The following TRIM41 variants were observed in gnomAD, a reference collection of about 807,000 sequenced individuals.
TRIM41 encodes tripartite motif containing 41, also known as E3 ubiquitin-protein ligase TRIM41.
In TRIM41, 21 loss-of-function variants were observed where a neutral mutation model predicts 60.6. That is an observed-to-expected ratio of 0.35 (90% CI 0.25 to 0.50). The LOEUF (loss-of-function observed/expected upper bound fraction) is 0.50. Ranked by LOEUF, TRIM41 falls within the 20% of genes least tolerant of loss-of-function variation. The pLI, the probability that TRIM41 is intolerant of heterozygous loss-of-function variation, is 0.98. For synonymous variants in TRIM41, 407 were observed against 344.9 expected (o/e 1.18, Z -2.00); for missense variants, 846 against 868.3 (o/e 0.97, Z 0.32).
rs1354698330 is a variant in TRIM41, at chr5:181,235,713, C to G, written c.*938C>G. ...TAGGAGCCTCTTGCCTTGTCACTTG[C>G]AGCTTTCGCCCTCTGCTTTGATGGC... On this transcript the variant is annotated 3_prime_UTR_variant, in exon 6 of 6. Coordinates refer to ENST00000315073, the MANE Select transcript of TRIM41 (RefSeq NM_033549.5). 3 of 320,442 alleles carry G rather than the reference C, an allele frequency of 9.4e-6. No homozygotes were observed. The highest frequency in any genetic ancestry group is 1.8e-5 in the Non-Finnish European group (3 of 168,346). The allele number at this position is 320,442 out of a possible 1,614,324, so 19.8% of individuals were successfully genotyped here.
rs746667009 is a variant in TRIM41 at position 181,224,588 on chromosome 5, C to T, written c.589C>T (p.Pro197Ser). Residue 197 changes from proline to serine, a missense_variant, in exon 1 of 6, where the codon CCC (proline) becomes TCC (serine). Physicochemically the swap from Pro to Ser is moderately conservative, Grantham distance 74 (BLOSUM62 -1). Coordinates refer to ENST00000315073, the MANE Select transcript of TRIM41 (RefSeq NM_033549.5). Reference sequence around the variant, plus strand: ...GAGCTTTCCTCGGCGGAGCTTCCGCCCCAACCTGCAGCTGGCCAATATGGT... The same window carrying T: ...GAGCTTTCCTCGGCGGAGCTTCCGCTCCAACCTGCAGCTGGCCAATATGGT... The part of the protein sequence containing the change: ...RKSFPRRSFR[P>S]NLQLANMVQV... 2.5e-6 allele frequency: 4 copies of T among 1,614,204 alleles called. No individual in the cohort carries two copies. The highest frequency in any genetic ancestry group is 1.7e-5 in the Admixed American group (1 of 60,028).
rs768935580 is a variant in TRIM41, at chr5:181,234,146, G to T, written c.1292-28G>T. 3 of 1,604,426 alleles carry T rather than the reference G, an allele frequency of 1.9e-6. No homozygotes were observed. The South Asian group carries it at 3.3e-5, about 18-fold the overall frequency. ...ACAGGGGAACAGCCGTTCCAGCCCT[G>T]GCGTATTTGTCCTCCCTCCCTCCCA... On this transcript the variant is annotated intron_variant, in intron 5 of 5. Coordinates refer to ENST00000315073, the MANE Select transcript of TRIM41 (RefSeq NM_033549.5). This position sits in a 1 kb window ranked among gnomAD's most constrained non-coding sequence, Gnocchi z 5.6.
intron 2 of TRIM41, chr5:181,231,371 G>T (rs80283359): frequency 0.036 from 5,205 of 142,946 alleles, 123 homozygotes; most frequent in South Asian, 0.073. Flanking sequence ...CGCTTTTTTT[G>T]TTGTTTTTTT....
At chr5:181,231,656 C>G (rs1398006054) in intron 2 of TRIM41, 2 of 152,528 alleles carry the variant, frequency 1.3e-5, no homozygotes, top group African/African-American at 2.4e-5. Flanking sequence ...TAGGATCTGT[C>G]TGGGAGTAGG....
In TRIM41 at chr5:181,233,025, T is replaced by G. The variant is rs763426982; in HGVS notation, c.1140+136T>G. ...TGATTGAACCTGAAGACCAAAAACA[T>G]GTTTTAAAGCTGGAAACAGAGTTAA... On this transcript the variant is annotated intron_variant, in intron 3 of 5. Coordinates refer to ENST00000315073, the MANE Select transcript of TRIM41 (RefSeq NM_033549.5). The surrounding 1 kb of genome is among the most constrained non-coding windows in gnomAD (Gnocchi z 4.1). The G allele has an allele frequency of 1.1e-6, 1 of 897,110 alleles. No homozygotes were observed. Among genetic ancestry groups the G allele is most frequent in the South Asian group, 1.4e-5 (1 of 70,640 alleles). The allele number at this position is 897,110 out of a possible 1,614,324, so 55.6% of individuals were successfully genotyped here.
At chr5:181,232,424 G>C in intron 2 of TRIM41, 2 of 525,370 alleles carry the variant, frequency 3.8e-6, no homozygotes, top group Non-Finnish European at 6.7e-6. Flanking sequence ...CTTAGGTAGA[G>C]TCAGGTGGAG....
rs1239660083 is a variant in TRIM41, at chr5:181,234,907, C to G, written c.*132C>G. 1 of 1,613,132 alleles carries G rather than the reference C, an allele frequency of 6.2e-7. No individual in the cohort carries two copies. The highest frequency in any genetic ancestry group is 1.1e-5 in the South Asian group (1 of 91,068). On this transcript the variant is annotated 3_prime_UTR_variant, in exon 6 of 6. Coordinates refer to ENST00000315073, the MANE Select transcript of TRIM41 (RefSeq NM_033549.5). This position sits in a 1 kb window ranked among gnomAD's most constrained non-coding sequence, Gnocchi z 5.6. ...GTGTTGCTTCCCACTCCCCCTTGACCCCAGGCCCCTGCTTCTCCCTCTAGG... is the reference window on the plus strand; with the variant it reads ...GTGTTGCTTCCCACTCCCCCTTGACGCCAGGCCCCTGCTTCTCCCTCTAGG...
chr5:181,228,506 C>G (rs1406871928), intron 1 of TRIM41: 1 of 124,352 alleles, frequency 8.0e-6, no homozygotes, highest in Non-Finnish European at 1.6e-5. Flanking sequence ...TGCAGTGAGC[C>G]AAGATTGTGC....
In TRIM41 at chr5:181,232,784, T is replaced by C; in HGVS notation, c.1035T>C (p.Arg345=). The C allele has an allele frequency of 6.2e-7, 1 of 1,611,252 alleles. No individual in the cohort carries two copies. The highest frequency in any genetic ancestry group is 8.5e-7 in the Non-Finnish European group (1 of 1,179,352). Residue 345 remains arginine (R), a synonymous_variant, in exon 3 of 6, where the codon CGT becomes CGC. Coordinates refer to ENST00000315073, the MANE Select transcript of TRIM41 (RefSeq NM_033549.5). ...AGATGCATGAAGCCCAGCTGGGGCG[T>C]GCGGGAGCCGCGGCTAGTCGCCTTG... ...LREMHEAQLG[R]AGAAASRLAE...
At position 181,230,764 on chromosome 5, in the gene TRIM41, G is replaced by A. The variant is rs756693605; in HGVS notation, c.834G>A (p.Val278=). 5.6e-6 allele frequency: 9 copies of A among 1,613,074 alleles called. No homozygotes were observed. In the African/African-American group the frequency reaches 1.2e-4, roughly 22 times the overall value. ...CTCAGGCCAAACTGCAGGGGCACGT[G>A]GAACCACTGAGGAAGCACCTGGAGG... ...QEYKAKLQGH[V]EPLRKHLEAV... is the part of the protein sequence containing the mutation. Residue 278 remains valine, a synonymous_variant, in exon 2 of 6, where the codon GTG becomes GTA. Coordinates refer to ENST00000315073, the MANE Select transcript of TRIM41 (RefSeq NM_033549.5).
Position 181,233,827 on chromosome 5 carries a change from G to C in TRIM41, c.1291+64G>C, listed in dbSNP as rs1218484818. ...CTTCACAGACCTGAGACTGGGTCCT[G>C]AGGGAAGTTGGGCCCCAGGGAAACT... On this transcript the variant is annotated intron_variant, in intron 5 of 5. Coordinates refer to ENST00000315073, the MANE Select transcript of TRIM41 (RefSeq NM_033549.5). This position sits in a 1 kb window ranked among gnomAD's most constrained non-coding sequence, Gnocchi z 4.1. 1.2e-6 allele frequency: 2 copies of C among 1,611,326 alleles called. No homozygotes were observed. Among genetic ancestry groups the C allele is most frequent in the East Asian group, 4.5e-5 (2 of 44,876 alleles).
intron 1 of TRIM41, 77 bp from the exon 2 acceptor site, chr5:181,230,667 T>C: frequency 8.5e-7 from 1 of 1,181,982 alleles, no homozygotes; most frequent in Non-Finnish European, 1.2e-6. Flanking sequence ...CATCTTGCTA[T>C]AGGGAGGATT....
At chr5:181,228,613 A>T (rs897181689) in intron 1 of TRIM41, 7 of 149,506 alleles carry the variant, frequency 4.7e-5, no homozygotes, top group Non-Finnish European at 7.4e-5. Flanking sequence ...CTCTGTTTGA[A>T]TTTGTGCTTA....
chr5:181,230,823 G>A lies in TRIM41; in HGVS notation c.893G>A (p.Arg298Gln), dbSNP rs749533793. 1.2e-6 allele frequency: 2 copies of A among 1,612,900 alleles called. No homozygotes were observed. The highest frequency in any genetic ancestry group is 1.7e-6 in the Non-Finnish European group (2 of 1,179,210). Residue 298 changes from arginine (R) to glutamine (Q), a missense_variant, in exon 2 of 6, where the codon CGA becomes CAA. Coordinates refer to ENST00000315073, the MANE Select transcript of TRIM41 (RefSeq NM_033549.5). ...AAGATGAAAGCCAAGGAGGAGAGGC[G>A]AGTGACAGAACTGAAGGTGGGTGAA... is the stretch of plus-strand genomic sequence containing the variant. ...VQKMKAKEERRVTELKSQMKS... is the reference protein window; with the variant it reads ...VQKMKAKEERQVTELKSQMKS...
intron 2 of TRIM41, chr5:181,231,199 G>T (rs1758781634): frequency 3.3e-6 from 1 of 300,636 alleles, no homozygotes; most frequent in African/African-American, 2.2e-5. Context: ...CAGGCACTGG[G>T]CAGAGCAGCC....
In TRIM41 at chr5:181,235,224, A is replaced by C; in HGVS notation, c.*449A>C. On this transcript the variant is annotated 3_prime_UTR_variant, in exon 6 of 6. Transcript: ENST00000315073. Reference sequence around the variant, plus strand: ...AATTCCATTTTCTGATGCAGATTTTAGCTGAGGGATTTGGAAGCCATTTGG... The same window carrying C: ...AATTCCATTTTCTGATGCAGATTTTCGCTGAGGGATTTGGAAGCCATTTGG... 1 of 1,577,666 alleles carries C rather than the reference A, an allele frequency of 6.3e-7. No homozygotes were observed. The highest frequency in any genetic ancestry group is 2.3e-5 in the East Asian group (1 of 44,072).
chr5:181,231,499 A>G (rs1758801048), intron 2 of TRIM41: 1 of 152,544 alleles, frequency 6.6e-6, no homozygotes, highest in African/African-American at 2.4e-5. Context: ...TGTGAGCTTC[A>G]TAGACCAAGC....
chr5:181,225,015 G>C, intron 1 of TRIM41: 1 of 656,458 alleles, frequency 1.5e-6, no homozygotes, highest in East Asian at 2.8e-5. Context: ...CAGTGAAGAC[G>C]ACCAGGGAAG....
Position 181,235,526 on chromosome 5 carries a change from C to G in TRIM41, c.*751C>G. On this transcript the variant is annotated 3_prime_UTR_variant, in exon 6 of 6. Coordinates refer to ENST00000315073, the MANE Select transcript of TRIM41 (RefSeq NM_033549.5). ...AGCTCATCCCACCCCACACCCCTCC[C>G]AGGTCTGCTCACTGCCAGGCTCCTC... 8.2e-7 allele frequency: 1 copy of G among 1,215,892 alleles called. No individual in the cohort carries two copies. 75.3% of individuals were successfully genotyped at this position (1,215,892 alleles called of 1,614,324 possible).
Sources: gnomAD v4.1 joint callset for allele counts on GRCh38, gnomAD v4.1.1 for gene constraint, Gnocchi (gnomAD v3.1) non-coding constraint, MANE v1.5 for transcripts, NCBI Gene and HGNC (gene_info 2026-07-23, HGNC 2026-07-21) for gene names.